Variants in FRMD6 observed in about 807,000 individuals in gnomAD.
FRMD6 encodes the protein FERM domain-containing protein 6.
FRMD6 carries 37 observed loss-of-function variants against 73.2 expected under a neutral mutation model. The ratio of observed to expected loss-of-function variants is 0.51; its 90% CI spans 0.39 to 0.66. The LOEUF is 0.66. FRMD6 is among the 30% of genes least tolerant of loss of function. The pLI, the probability that FRMD6 is intolerant of heterozygous loss-of-function variation, is 0.00. For missense variants in FRMD6, 714 were observed against 780.5 expected, an observed-to-expected ratio of 0.91 and a Z score of 1.02; for synonymous variants, 273 against 282.2, an observed-to-expected ratio of 0.97 and a Z score of 0.33.
At chr14:51,716,908 C>T (rs1897270027) in intron 10 of FRMD6, among the ~76,000 whole-genome samples, 1 of 152,168 alleles carries the variant, frequency 6.6e-6, no homozygotes, top group African/African-American at 2.4e-5. Flanking sequence ...CATAATTTGC[C>T]AAGTCAGCTT....
At chr14:51,475,600 G>A in the FRMD6 span, among the ~76,000 whole-genome samples, 1 of 152,154 alleles carries the variant, frequency 6.6e-6, no homozygotes, top group African/African-American at 2.4e-5. Context: ...AGCGCCATGA[G>A]GAAACCTCTA....
At chr14:51,489,902 GT>G (rs1406703409) in intron 1 of FRMD6, among the ~76,000 whole-genome samples, 2 of 152,162 alleles carry the variant, frequency 1.3e-5, no homozygotes, top group African/African-American at 4.8e-5. Flanking sequence ...ACCATCATAA[GT>G]TTTTAAAAAG....
chr14:51,612,522 A>G (rs1375348877), intron 2 of FRMD6, among the ~76,000 whole-genome samples: 1 of 152,226 alleles, frequency 6.6e-6, no homozygotes, highest in Non-Finnish European at 1.5e-5. Flanking sequence ...TAAATTGCTT[A>G]CATTCACTGA....
chr14:51,406,658 T>G, the FRMD6 span, among the ~76,000 whole-genome samples: 1 of 152,188 alleles, frequency 6.6e-6, no homozygotes, highest in African/African-American at 2.4e-5. Context: ...TAGTGATTTT[T>G]GTACATTGAT....
chr14:51,569,638 G>C (rs1045444121), intron 1 of FRMD6, among the ~76,000 whole-genome samples: 3 of 150,626 alleles, frequency 2.0e-5, no homozygotes, highest in African/African-American at 7.3e-5. Context: ...CTGGTAGCTG[G>C]GACTACAGGC....
At chr14:51,607,652 G>A (rs934718645) in intron 2 of FRMD6, among the ~76,000 whole-genome samples, 5 of 152,208 alleles carry the variant, frequency 3.3e-5, no homozygotes, top group African/African-American at 9.6e-5. Flanking sequence ...CAGTCTGCAC[G>A]CTTTGTTGGG....
chr14:51,517,112 T>A (rs1357658637), intron 1 of FRMD6, among the ~76,000 whole-genome samples: 8 of 152,244 alleles, frequency 5.3e-5, no homozygotes, highest in African/African-American at 1.9e-4. Flanking sequence ...GTGTTATTTT[T>A]ATGAAAAATG....
At chr14:51,644,387 A>ACACACACACACACACACTCT (rs1489278384) in intron 2 of FRMD6, among the ~76,000 whole-genome samples, 70 of 115,048 alleles carry the variant, frequency 6.1e-4, no homozygotes, top group Admixed American at 5.4e-3. Flanking sequence ...ACACACACAC[A>ACACACACACACACACACTCT]CTCACTCACT....
At chr14:51,613,915 A>T (rs886923165) in intron 2 of FRMD6, among the ~76,000 whole-genome samples, 2 of 152,104 alleles carry the variant, frequency 1.3e-5, no homozygotes, top group African/African-American at 4.8e-5. Context: ...AATATTAATC[A>T]ATACAATAAT....
At chr14:51,674,610 T>A (rs1894251844) in intron 1 of FRMD6, among the ~76,000 whole-genome samples, 1 of 152,138 alleles carries the variant, frequency 6.6e-6, no homozygotes, top group African/African-American at 2.4e-5. Flanking sequence ...TGGGGTTTTC[T>A]TTTTTAACTT....
the FRMD6 span, among the ~76,000 whole-genome samples, chr14:51,458,261 TCTC>T: frequency 6.6e-6 from 1 of 152,184 alleles, no homozygotes; most frequent in Non-Finnish European, 1.5e-5. Flanking sequence ...CCCTTTCCCA[TCTC>T]CTCTCACCCC....
intron 2 of FRMD6, among the ~76,000 whole-genome samples, chr14:51,692,366 A>G (rs1026028094): frequency 7.9e-5 from 12 of 152,360 alleles, no homozygotes; most frequent in African/African-American, 2.6e-4. Flanking sequence ...TTATACAGTT[A>G]TATAAAAGAT....
chr14:51,703,706 A>G (rs1896465112), intron 5 of FRMD6, among the ~76,000 whole-genome samples: 1 of 152,102 alleles, frequency 6.6e-6, no homozygotes, highest in African/African-American at 2.4e-5. Flanking sequence ...AAGTGCTCTG[A>G]AAAGTACTCT....
At chr14:51,700,211 A>G (rs1896216939) in intron 3 of FRMD6, among the ~76,000 whole-genome samples, 1 of 151,994 alleles carries the variant, frequency 6.6e-6, no homozygotes, top group African/African-American at 2.4e-5. Context: ...GAGTTTAAAA[A>G]AGACTTGAAA....
chr14:51,582,015 A>G (rs925796373), intron 2 of FRMD6, among the ~76,000 whole-genome samples: 2 of 152,224 alleles, frequency 1.3e-5, no homozygotes, highest in Non-Finnish European at 2.9e-5. Flanking sequence ...CTTTTATCTT[A>G]GTAGACTGTA....
chr14:51,689,677 T>C lies in FRMD6; in HGVS notation c.-146-14T>C, dbSNP rs1895407544. ...CGCCTTTCTTCAGGAGTCTCCCCTT[T>C]GGCTTTTTCACAGCTATGAAACCCA... On this transcript the variant is annotated splice_polypyrimidine_tract_variant and intron_variant, in intron 1 of 13. Transcript: ENST00000344768. 1 of 621,048 alleles carries C rather than the reference T, an allele frequency of 1.6e-6. No homozygotes were observed. Among genetic ancestry groups the C allele is most frequent in the Non-Finnish European group, 2.9e-6 (1 of 340,534 alleles). 38.5% of individuals were successfully genotyped at this position (621,048 alleles called of 1,614,324 possible). A position where few individuals can be genotyped will look rare whatever the true frequency, so the allele number is the denominator to read the frequency against.
intron 1 of FRMD6, among the ~76,000 whole-genome samples, chr14:51,525,278 A>T (rs1885187642): frequency 6.6e-6 from 1 of 151,556 alleles, no homozygotes; most frequent in African/African-American, 2.4e-5. Context: ...TTATTTATTT[A>T]TTTTTTTGAG....
the FRMD6 span, among the ~76,000 whole-genome samples, chr14:51,460,367 C>G: frequency 1.3e-5 from 2 of 152,192 alleles, no homozygotes; most frequent in Admixed American, 6.5e-5. Flanking sequence ...CATTCAGGGA[C>G]TTTGCATTGT....
chr14:51,603,531 A>G (rs1432798522), intron 2 of FRMD6, among the ~76,000 whole-genome samples: 2 of 152,150 alleles, frequency 1.3e-5, no homozygotes, highest in African/African-American at 4.8e-5. Context: ...ATAACGAAAA[A>G]CTTTCCTTTG....
Sources: allele counts gnomAD v4.1 joint callset (sites outside exome capture counted in the v4.1 genomes callset), GRCh38; gene constraint gnomAD v4.1.1; transcripts MANE v1.5; gene names NCBI Gene and HGNC (gene_info 2026-07-23, HGNC 2026-07-21).